GRIK1: variants seen among roughly 807,000 people sequenced by gnomAD.
The protein encoded by GRIK1 is glutamate ionotropic receptor kainate type subunit 1.
A neutral mutation model predicts 105.7 loss-of-function variants in GRIK1; 69 were observed. The observed-to-expected ratio is 0.65, with a 90% CI of 0.54 to 0.80. GRIK1 has a LOEUF of 0.80. Ranked by LOEUF, GRIK1 falls within the 30% of genes least tolerant of loss-of-function variation. The pLI, the probability that GRIK1 is intolerant of heterozygous loss-of-function variation, is 0.00. For synonymous variants in GRIK1, 438 were observed against 431.3 expected (o/e 1.02, Z -0.19); for missense variants, 1,109 against 1,167.3 (o/e 0.95, Z 0.73).
chr21:29,870,555 T>A (rs190200790), intron 1 of GRIK1, among the ~76,000 whole-genome samples: 2 of 151,814 alleles, frequency 1.3e-5, no homozygotes, highest in African/African-American at 4.8e-5. Context: ...ACATTACATT[T>A]AATAACTTTA....
At chr21:29,727,729 T>C (rs2064505450) in intron 1 of GRIK1, among the ~76,000 whole-genome samples, 1 of 152,184 alleles carries the variant, frequency 6.6e-6, no homozygotes, top group Admixed American at 6.5e-5. Context: ...ACTGTATTAG[T>C]CAGGGTTCTT....
intron 1 of GRIK1, among the ~76,000 whole-genome samples, chr21:29,848,777 A>ATTTTTTT (rs1217856804): frequency 1.4e-5 from 1 of 70,938 alleles, no homozygotes. Context: ...ATATATATAT[A>ATTTTTTT]TATTTTTTTT....
chr21:29,888,192 T>TCTTC (rs1555905525), intron 1 of GRIK1, among the ~76,000 whole-genome samples: 647 of 13,520 alleles, frequency 0.048, 10 homozygotes, highest in African/African-American at 0.065. Flanking sequence ...TTCCTTTCTT[T>TCTTC]CTTTCTCTCT....
intron 6 of GRIK1, among the ~76,000 whole-genome samples, chr21:29,650,691 A>G (rs3026015): frequency 6.6e-6 from 1 of 152,312 alleles, no homozygotes; most frequent in Middle Eastern, 3.4e-3. Flanking sequence ...GACTGTTTGT[A>G]AATCCGACAT....
intron 16 of GRIK1, among the ~76,000 whole-genome samples, chr21:29,539,158 C>T (rs937404183): frequency 2.0e-5 from 3 of 152,026 alleles, no homozygotes; most frequent in Non-Finnish European, 2.9e-5. Flanking sequence ...CAAAGAAAAA[C>T]GTCAGAAAGT....
chr21:29,758,298 G>A (rs111852590), intron 1 of GRIK1, among the ~76,000 whole-genome samples: 43 of 152,310 alleles, frequency 2.8e-4, no homozygotes, highest in African/African-American at 1.0e-3. Flanking sequence ...AAAGAAAAGA[G>A]GTTTAATGGA....
At chr21:29,776,458 TA>T in intron 1 of GRIK1, among the ~76,000 whole-genome samples, 1 of 152,170 alleles carries the variant, frequency 6.6e-6, no homozygotes, top group East Asian at 1.9e-4. Context: ...TTGTAGAAAA[TA>T]GTCTCCATGA....
intron 1 of GRIK1, among the ~76,000 whole-genome samples, chr21:29,708,644 T>C (rs972193289): frequency 6.6e-6 from 1 of 152,186 alleles, no homozygotes; most frequent in African/African-American, 2.4e-5. Flanking sequence ...ACTTCATTGC[T>C]AGTGAGAGAA....
intron 5 of GRIK1, among the ~76,000 whole-genome samples, chr21:29,653,248 T>G (rs900920972): frequency 1.3e-5 from 2 of 152,186 alleles, no homozygotes; most frequent in African/African-American, 4.8e-5. Flanking sequence ...AGACAGAAAC[T>G]GCCAGAATAC....
intron 1 of GRIK1, among the ~76,000 whole-genome samples, chr21:29,935,551 T>C (rs73349522): frequency 0.022 from 3,368 of 152,294 alleles, 146 homozygotes; most frequent in African/African-American, 0.077. Flanking sequence ...TGGGGATCTT[T>C]GGGTTAAAAT....
rs184516143 is a variant in GRIK1, at chr21:29,773,249, G to A, written c.119-79186C>T. Among the ~76,000 whole-genome samples, 152 of 152,290 alleles carry A rather than the reference G, an allele frequency of 1.0e-3. 2 individuals are homozygous for A. The highest frequency in any genetic ancestry group is 1.7e-3 in the Admixed American group (26 of 15,294). On this transcript the variant is annotated intron_variant, in intron 1 of 17. Transcript: ENST00000327783. ...GAACATTCTGCAAGCGAGAGGACTG[G>A]GAGAAGATAAATGCACAGGACACAG...
intron 1 of GRIK1, among the ~76,000 whole-genome samples, chr21:29,938,549 C>T (rs1054635256): frequency 2.0e-5 from 3 of 152,334 alleles, no homozygotes; most frequent in African/African-American, 7.2e-5. Flanking sequence ...AGTCCACGCC[C>T]CTTCCACTGT....
At chr21:29,709,278 C>CTTTTTTTTT (rs35378548) in intron 1 of GRIK1, among the ~76,000 whole-genome samples, 5 of 127,898 alleles carry the variant, frequency 3.9e-5, no homozygotes, top group Non-Finnish European at 6.7e-5. Context: ...TACTCTTCTT[C>CTTTTTTTTT]TTTTTTTTTT....
chr21:29,711,622 A>G (rs2064052202), intron 1 of GRIK1, among the ~76,000 whole-genome samples: 2 of 152,062 alleles, frequency 1.3e-5, no homozygotes, highest in African/African-American at 2.4e-5. Flanking sequence ...ACTTTCTGTC[A>G]TTTTAGCTGT....
chr21:29,820,249 A>C (rs893670717), intron 1 of GRIK1, among the ~76,000 whole-genome samples: 1 of 151,970 alleles, frequency 6.6e-6, no homozygotes. Context: ...CTCACTTCCA[A>C]ACCAATTAGA....
chr21:29,785,792 A>G (rs949773164), intron 1 of GRIK1, among the ~76,000 whole-genome samples: 10 of 152,206 alleles, frequency 6.6e-5, no homozygotes, highest in African/African-American at 2.4e-4. Flanking sequence ...CCAGAAGTCC[A>G]AAATTAAAGC....
chr21:29,632,008 T>C (rs1178705713), intron 7 of GRIK1, among the ~76,000 whole-genome samples: 2 of 151,950 alleles, frequency 1.3e-5, no homozygotes, highest in Non-Finnish European at 2.9e-5. Flanking sequence ...GCAGCCAAAA[T>C]ATCCATGCAG....
At chr21:29,810,211 C>A (rs955720210) in intron 1 of GRIK1, among the ~76,000 whole-genome samples, 18 of 151,596 alleles carry the variant, frequency 1.2e-4, no homozygotes, top group Non-Finnish European at 1.5e-5. Context: ...GCAGGAGAAT[C>A]GCTGGAACTC....
chr21:29,891,013 G>A (rs1403701271), intron 1 of GRIK1, among the ~76,000 whole-genome samples: 2 of 152,074 alleles, frequency 1.3e-5, no homozygotes, highest in Non-Finnish European at 2.9e-5. Flanking sequence ...CTTAAACTGA[G>A]CCACACAAAA....
Sources: gnomAD v4.1 joint callset for allele counts (sites outside exome capture counted in the v4.1 genomes callset) on GRCh38, gnomAD v4.1.1 for gene constraint, MANE v1.5 for transcripts, NCBI Gene and HGNC (gene_info 2026-07-23, HGNC 2026-07-21) for gene names.